Variants in OSTF1 observed in about 807,000 individuals in gnomAD.
The protein encoded by OSTF1 is osteoclast stimulating factor 1.
In OSTF1, 27 loss-of-function variants were observed where a neutral mutation model predicts 37.2. The ratio of observed to expected loss-of-function variants is 0.73; its 90% CI spans 0.54 to 1.00. The LOEUF is 1.00. Ranked by LOEUF, OSTF1 falls within the 50% of genes least tolerant of loss-of-function variation. The pLI, the probability that OSTF1 is intolerant of heterozygous loss-of-function variation, is 0.00. For synonymous variants in OSTF1, 82 were observed against 89.2 expected (o/e 0.92, Z 0.46); for missense variants, 232 against 253.8 (o/e 0.91, Z 0.58).
intron 1 of OSTF1, among the ~76,000 whole-genome samples, chr9:75,089,253 G>T (rs1824892236): frequency 6.6e-6 from 1 of 150,976 alleles, no homozygotes. Flanking sequence ...ATCTTGGGAA[G>T]AGCGTTTAGA....
chr9:75,114,794 T>C (rs2118503080), intron 1 of OSTF1, among the ~76,000 whole-genome samples: 1 of 152,322 alleles, frequency 6.6e-6, no homozygotes, highest in Admixed American at 6.5e-5. Context: ...CCTCAAGCAG[T>C]CCACCTGCCT....
chr9:75,135,350 CT>C (rs199702416), intron 7 of OSTF1, among the ~76,000 whole-genome samples: 2,644 of 152,254 alleles, frequency 0.017, 86 homozygotes, highest in African/African-American at 0.06. Context: ...TTTTCTCTTG[CT>C]AAGAGTATTT....
intron 8 of OSTF1, among the ~76,000 whole-genome samples, chr9:75,139,274 T>C (rs895814619): frequency 6.6e-6 from 1 of 151,878 alleles, no homozygotes; most frequent in African/African-American, 2.4e-5. Context: ...ACACAAGCGA[T>C]CCGCCTGCCT....
intron 7 of OSTF1, among the ~76,000 whole-genome samples, chr9:75,135,135 G>T (rs1420888009): frequency 6.6e-6 from 1 of 152,094 alleles, no homozygotes; most frequent in Non-Finnish European, 1.5e-5. Context: ...TGGATCCCTT[G>T]TCTTTCTTTT....
chr9:75,100,052 G>A (rs368316705), intron 1 of OSTF1, among the ~76,000 whole-genome samples: 2 of 152,172 alleles, frequency 1.3e-5, no homozygotes, highest in East Asian at 3.8e-4. Context: ...CAATTTGTTA[G>A]GACAGATAGC....
intron 7 of OSTF1, 42 bp from the exon 8 acceptor site, chr9:75,137,496 C>T: frequency 7.8e-7 from 1 of 1,286,046 alleles, no homozygotes; most frequent in Non-Finnish European, 1.1e-6. Context: ...TTCAATCCAC[C>T]CTCTATCTTA....
Position 75,142,558 on chromosome 9 carries a change from G to C in OSTF1, c.586+1626G>C, listed in dbSNP as rs559813228. ...TCTTAGACCTCAGAGAGCTTACCCA[G>C]AAGCCTTACTCAGGAGTGGTTTGAG... On this transcript the variant is annotated intron_variant, in intron 9 of 9. Coordinates refer to ENST00000346234, the MANE Select transcript of OSTF1 (RefSeq NM_012383.5). Among the ~76,000 whole-genome samples the C allele has an allele frequency of 5.3e-5, 8 of 152,218 alleles. No homozygotes were observed. In the South Asian group the frequency reaches 1.7e-3, roughly 32 times the overall value.
chr9:75,126,049 A>G (rs575268757), intron 2 of OSTF1, among the ~76,000 whole-genome samples: 22 of 152,112 alleles, frequency 1.4e-4, no homozygotes, highest in South Asian at 4.1e-4. Flanking sequence ...AGCTGGGATT[A>G]TAAGTGTGCA....
rs935407841 is a variant in OSTF1 at position 75,123,121 on chromosome 9, T to C, written c.82-4448T>C. The stretch of plus-strand genomic sequence containing the variant: ...TCAAGGAGAGAGGAAAGGAGGAATG[T>C]AGTTAAAAAACAAAGAAAGGCCGGG... On this transcript the variant is annotated intron_variant, in intron 2 of 9. Coordinates refer to ENST00000346234, the MANE Select transcript of OSTF1 (RefSeq NM_012383.5). Among the ~76,000 whole-genome samples, 4 of 152,202 alleles carry C rather than the reference T, an allele frequency of 2.6e-5. No individual in the cohort carries two copies. The East Asian group carries it at 5.8e-4, about 22-fold the overall frequency.
intron 2 of OSTF1, among the ~76,000 whole-genome samples, chr9:75,124,371 C>T (rs1486528050): frequency 6.6e-6 from 1 of 152,058 alleles, no homozygotes; most frequent in African/African-American, 2.4e-5. Flanking sequence ...CTTATTATTT[C>T]TTTCTAAATT....
At chr9:75,111,096 A>C (rs1825378964) in intron 1 of OSTF1, among the ~76,000 whole-genome samples, 1 of 152,140 alleles carries the variant, frequency 6.6e-6, no homozygotes, top group African/African-American at 2.4e-5. Context: ...AATAAAATAG[A>C]TTAGAAATTC....
At chr9:75,108,896 C>T (rs970723400) in intron 1 of OSTF1, among the ~76,000 whole-genome samples, 28 of 152,124 alleles carry the variant, frequency 1.8e-4, no homozygotes, top group African/African-American at 6.5e-4. Flanking sequence ...CATCAGGCTG[C>T]AGTTAACAGT....
intron 1 of OSTF1, among the ~76,000 whole-genome samples, chr9:75,091,171 C>T (rs138705092): frequency 0.012 from 1,787 of 150,814 alleles, 17 homozygotes; most frequent in Middle Eastern, 0.028. Context: ...CTGCAACCTC[C>T]GCCTCTCGGG....
chr9:75,111,917 G>C (rs573954910), intron 1 of OSTF1, among the ~76,000 whole-genome samples: 1 of 141,700 alleles, frequency 7.1e-6, no homozygotes, highest in African/African-American at 2.7e-5. Flanking sequence ...TCCGCCTCCT[G>C]GGTTTAAGCG....
At chr9:75,098,277 C>T (rs1016097535) in intron 1 of OSTF1, among the ~76,000 whole-genome samples, 1 of 152,110 alleles carries the variant, frequency 6.6e-6, no homozygotes, top group Non-Finnish European at 1.5e-5. Context: ...ATTAAACACA[C>T]CAAGCAAAGG....
chr9:75,101,922 T>A (rs1439049645), intron 1 of OSTF1, among the ~76,000 whole-genome samples: 1 of 152,234 alleles, frequency 6.6e-6, no homozygotes, highest in Non-Finnish European at 1.5e-5. Flanking sequence ...CTTGCTAGCA[T>A]GTGTCTTCAT....
intron 1 of OSTF1, among the ~76,000 whole-genome samples, chr9:75,091,302 T>C (rs943586539): frequency 5.4e-4 from 82 of 152,084 alleles, no homozygotes; most frequent in African/African-American, 2.0e-3. Context: ...GGTCTTGAAC[T>C]CCTGACCTTG....
intron 1 of OSTF1, among the ~76,000 whole-genome samples, chr9:75,115,938 T>G (rs1423754850): frequency 6.6e-6 from 1 of 152,018 alleles, no homozygotes; most frequent in East Asian, 1.9e-4. Context: ...ACCCCATCTC[T>G]ACTAAAAATA....
At chr9:75,134,254 G>A (rs1825809645) in intron 6 of OSTF1, 92 bp from the exon 7 acceptor site, 1 of 547,394 alleles carries the variant, frequency 1.8e-6, no homozygotes, top group Non-Finnish European at 3.3e-6. Context: ...AGGTTCTTCT[G>A]AAGAATCTCT....
Sources: allele counts gnomAD v4.1 joint callset (sites outside exome capture counted in the v4.1 genomes callset), GRCh38; gene constraint gnomAD v4.1.1; transcripts MANE v1.5; gene names NCBI Gene and HGNC (gene_info 2026-07-23, HGNC 2026-07-21).